The following PARG variants were observed in gnomAD, a reference collection of about 807,000 sequenced individuals.
PARG encodes poly(ADP-ribose) glycohydrolase, also known as mitochondrial poly(ADP-ribose) glycohydrolase.
A neutral mutation model predicts 113.0 loss-of-function variants in PARG; 35 were observed. The observed-to-expected ratio is 0.31, with a 90% CI of 0.24 to 0.41. The LOEUF (loss-of-function observed/expected upper bound fraction) is 0.41, where lower values mean the gene tolerates loss of function less well. Among genes scored for constraint, PARG ranks in the 10% least tolerant of loss-of-function variants. PARG has a pLI of 1.00. For missense variants in PARG, 797 were observed against 1,169.4 expected, an observed-to-expected ratio of 0.68 and a Z score of 4.64; for synonymous variants, 330 against 409.9, an observed-to-expected ratio of 0.81 and a Z score of 2.36.
rs1424475358 is a variant in PARG, at chr10:49,820,200, A to G, written c.2741T>C (p.Met914Thr). The G allele has an allele frequency of 7.8e-6, 12 of 1,546,496 alleles. No individual in the cohort carries two copies. The highest frequency in any genetic ancestry group is 1.2e-5 in the South Asian group (1 of 83,926). Residue 914 changes from methionine to threonine, a missense_variant, in exon 17 of 18, where the codon ATG (methionine) becomes ACG (threonine). This residue lies in a region of PARG where 194 missense variants were observed against 247.1 expected (regional missense o/e 0.79). Transcript: ENST00000616448. ...DSELMRDIYS[M>T]HIFLTERKLT... ...TTTCCTTTCAGTAAGGAAAATGTGC[A>G]TGCTGTAAATGTCTCTCATCAATTC...
Position 49,832,808 on chromosome 10 carries a change from A to C in PARG, c.2642T>G (p.Leu881Ter), listed in dbSNP as rs923792353. The C allele has an allele frequency of 2.6e-6, 4 of 1,531,880 alleles. No homozygotes were observed. The highest frequency in any genetic ancestry group is 2.7e-6 in the Non-Finnish European group (3 of 1,130,226). The allele number at this position is 1,531,880 out of a possible 1,614,324, so 94.9% of individuals were successfully genotyped here. The change falls in exon 16 of 18, where the codon TTA becomes TGA. Residue 881 changes from leucine (L) to a stop codon, truncating the protein, a stop_gained. Coordinates refer to ENST00000616448, the MANE Select transcript of PARG (RefSeq NM_003631.5). LOFTEE classifies it high-confidence loss of function. The part of the protein sequence containing the change: ...GCGAFGGDAR[L>*]KALIQILAAA... Reference sequence around the variant, plus strand: ...CCTTTTCTACAACAACTTACCTTTTAACCTGGCATCACCCCCAAAGGCACC... The same window carrying C: ...CCTTTTCTACAACAACTTACCTTTTCACCTGGCATCACCCCCAAAGGCACC...
chr10:49,822,016 T>C (rs1250233183), intron 16 of PARG, among the ~76,000 whole-genome samples: 4 of 152,152 alleles, frequency 2.6e-5, no homozygotes, highest in African/African-American at 9.7e-5. Context: ...ACCATAGTAG[T>C]AGAGGTGAAG....
At chr10:49,864,979 A>C (rs1300122644) in intron 11 of PARG, among the ~76,000 whole-genome samples, 2 of 141,856 alleles carry the variant, frequency 1.4e-5, no homozygotes, top group Non-Finnish European at 3.1e-5. Flanking sequence ...AACACTAACC[A>C]AAAAAAAAAA....
Position 49,933,865 on chromosome 10 carries a change from C to G in PARG, c.583G>C (p.Asp195His). 6.3e-7 allele frequency: 1 copy of G among 1,597,190 alleles called. No individual in the cohort carries two copies. The highest frequency in any genetic ancestry group is 8.6e-7 in the Non-Finnish European group (1 of 1,164,614). The part of the protein sequence containing the change: ...ANIDRSPQND[D>H]HSDTDSEENR... ...TCTTCACTATCTGTGTCACTGTGATCATCATTTTGAGGTGACCGATCAATG... is the reference window on the plus strand; with the variant it reads ...TCTTCACTATCTGTGTCACTGTGATGATCATTTTGAGGTGACCGATCAATG... Residue 195 changes from aspartate (D) to histidine (H), a missense_variant, in exon 3 of 18, where the codon GAT (aspartate) becomes CAT (histidine). Transcript: ENST00000616448.
intron 16 of PARG, among the ~76,000 whole-genome samples, chr10:49,830,068 A>C (rs782172145): frequency 2.2e-4 from 33 of 152,228 alleles, no homozygotes; most frequent in Non-Finnish European, 4.0e-4. Flanking sequence ...TGAGGAAATG[A>C]ATTATATAAT....
chr10:49,829,403 T>C (rs1302732345), intron 16 of PARG, among the ~76,000 whole-genome samples: 2 of 152,176 alleles, frequency 1.3e-5, no homozygotes, highest in Non-Finnish European at 2.9e-5. Context: ...CAGCTTAGCC[T>C]TATTTCTATT....
At chr10:49,884,415 A>G (rs1847361289) in intron 8 of PARG, among the ~76,000 whole-genome samples, 1 of 152,236 alleles carries the variant, frequency 6.6e-6, no homozygotes, top group African/African-American at 2.4e-5. Flanking sequence ...CCTGGCAAAC[A>G]TGCTGAATAC....
chr10:49,820,347 C>A (rs1844010490), intron 16 of PARG, 54 bp from the exon 17 acceptor site: 7 of 1,306,480 alleles, frequency 5.4e-6, no homozygotes, highest in Non-Finnish European at 7.4e-6. Flanking sequence ...ACCTAGATAC[C>A]TTTAGCTCTT....
chr10:49,908,587 G>C (rs1459908837), intron 7 of PARG: 2 of 152,148 alleles, frequency 1.3e-5, no homozygotes, highest in African/African-American at 2.4e-5. Context: ...AACATTTAAG[G>C]CTGCTTTCAT....
chr10:49,889,665 A>G (rs1407836053), intron 7 of PARG, among the ~76,000 whole-genome samples: 1 of 152,190 alleles, frequency 6.6e-6, no homozygotes, highest in Non-Finnish European at 1.5e-5. Context: ...ACCATGTTAA[A>G]CCTAAAGATA....
At chr10:49,823,117 GT>G (rs1167238453) in intron 16 of PARG, among the ~76,000 whole-genome samples, 3 of 152,128 alleles carry the variant, frequency 2.0e-5, no homozygotes, top group African/African-American at 7.2e-5. Context: ...ACTATAATGT[GT>G]TTATATAAGA....
rs1483734304 is a variant in PARG, at chr10:49,820,286, T to C, written c.2655A>G (p.Ile885Met). ...CAGCTGCAGCAGCTGCCAATATCTG[T>C]ATTAAGGCTGAGGCAAAGAGAAAAG... is the stretch of plus-strand genomic sequence containing the variant. ...FGGDARLKALIQILAAAAAER... is the reference protein window; with the variant it reads ...FGGDARLKALMQILAAAAAER... Residue 885 changes from isoleucine to methionine, a missense_variant, in exon 17 of 18, where the codon ATA (isoleucine) becomes ATG (methionine). Around this residue, in one of 5 missense-constraint regions of PARG, gnomAD observed 194 missense variants for 247.1 expected, o/e 0.79. Transcript: ENST00000616448. The C allele has an allele frequency of 2.6e-6, 4 of 1,548,290 alleles. No individual in the cohort carries two copies.
In PARG at chr10:49,819,277, C is replaced by T; in HGVS notation, c.*63G>A. The T allele has an allele frequency of 7.5e-7, 1 of 1,334,254 alleles. No individual in the cohort carries two copies. Among genetic ancestry groups the T allele is most frequent in the Non-Finnish European group, 1.0e-6 (1 of 967,646 alleles). The allele number at this position is 1,334,254 out of a possible 1,614,324, so 82.7% of individuals were successfully genotyped here. On this transcript the variant is annotated 3_prime_UTR_variant, in exon 18 of 18. Coordinates refer to ENST00000616448, the MANE Select transcript of PARG (RefSeq NM_003631.5). ...AACTTAAGTCAATTCATATATTACA[C>T]CTGACAGCTCAAACAGGACGTCTCT...
At chr10:49,901,408 C>A (rs1428538813) in intron 7 of PARG, among the ~76,000 whole-genome samples, 1 of 149,548 alleles carries the variant, frequency 6.7e-6, no homozygotes, top group Non-Finnish European at 1.5e-5. Flanking sequence ...ACCACCACAC[C>A]CAGACTTAAG....
chr10:49,824,353 A>C (rs1321863160), intron 16 of PARG, among the ~76,000 whole-genome samples: 1 of 152,216 alleles, frequency 6.6e-6, no homozygotes, highest in Non-Finnish European at 1.5e-5. Context: ...TCTTGCATCA[A>C]AAGTTAGAAG....
intron 15 of PARG, among the ~76,000 whole-genome samples, chr10:49,836,148 T>C (rs992903024): frequency 2.0e-5 from 3 of 152,126 alleles, no homozygotes; most frequent in Non-Finnish European, 4.4e-5. Context: ...TTCATTATCA[T>C]GTAAATACAT....
chr10:49,905,161 T>C (rs534076485), intron 7 of PARG, among the ~76,000 whole-genome samples: 1 of 152,424 alleles, frequency 6.6e-6, no homozygotes, highest in Admixed American at 6.5e-5. Flanking sequence ...GTTGAAACCC[T>C]TAAAATAAAG....
At position 49,941,895 on chromosome 10, in the gene PARG, T is replaced by C. The variant is rs1395870204; in HGVS notation, c.-170A>G. On this transcript the variant is annotated 5_prime_UTR_variant, in exon 1 of 18. Transcript: ENST00000616448. ...TCCGCCGGCCTCCCAAGTCAGGCCGTAAACACTCGCCTGCCTTCCCTCTTC... is the reference window on the plus strand; with the variant it reads ...TCCGCCGGCCTCCCAAGTCAGGCCGCAAACACTCGCCTGCCTTCCCTCTTC... The C allele has an allele frequency of 8.0e-7, 1 of 1,243,930 alleles. No individual in the cohort carries two copies. Among genetic ancestry groups the C allele is most frequent in the African/African-American group, 1.5e-5 (1 of 67,542 alleles). 77.1% of individuals were successfully genotyped at this position (1,243,930 alleles called of 1,614,324 possible). A position where few individuals can be genotyped will look rare whatever the true frequency, so the allele number is the denominator to read the frequency against.
At chr10:49,842,720 A>G (rs2132450708) in intron 14 of PARG, among the ~76,000 whole-genome samples, 1 of 152,344 alleles carries the variant, frequency 6.6e-6, no homozygotes, top group African/African-American at 2.4e-5. Flanking sequence ...ACTTGCATAT[A>G]TTGCTGTGCC....
Sources: gnomAD v4.1 joint callset for allele counts (sites outside exome capture counted in the v4.1 genomes callset) on GRCh38, gnomAD v4.1.1 for gene constraint, gnomAD v4.1.1 regional missense constraint, MANE v1.5 for transcripts, NCBI Gene and HGNC (gene_info 2026-07-23, HGNC 2026-07-21) for gene names.